ZNF577: variants seen among roughly 807,000 people sequenced by gnomAD.
The protein encoded by ZNF577 is zinc finger protein 577.
ZNF577 carries 14 observed loss-of-function variants against 13.9 expected under a neutral mutation model. The ratio of observed to expected loss-of-function variants is 1.00; its 90% CI spans 0.66 to 1.57. The LOEUF (loss-of-function observed/expected upper bound fraction) is 1.57, where lower values mean the gene tolerates loss of function less well. Among genes scored for constraint, ZNF577 ranks in the 40% most tolerant of loss-of-function variants. The pLI is 0.00. For synonymous variants in ZNF577, 203 were observed against 202.9 expected (o/e 1.00, Z 0.00); for missense variants, 555 against 579.2 (o/e 0.96, Z 0.43).
rs182664860 is a variant in ZNF577 at position 51,806,958 on chromosome 19, C to T, written c.*818-1704G>A. 5.9e-5 allele frequency among the ~76,000 whole-genome samples: 9 copies of T among 152,270 alleles called. No individual in the cohort carries two copies. In the East Asian group the frequency reaches 1.2e-3, roughly 20 times the overall value. ...ATAGGTAGCAATACCTAACATCGGGCGTAGCCAATTAATATCTCCTAATAA... is the reference window on the plus strand; with the variant it reads ...ATAGGTAGCAATACCTAACATCGGGTGTAGCCAATTAATATCTCCTAATAA... On this transcript the variant is annotated intron_variant and NMD_transcript_variant, in intron 10 of 10. Transcript: ENST00000638827.
intron 5 of ZNF577, among the ~76,000 whole-genome samples, chr19:51,858,069 A>C (rs2084456812): frequency 6.6e-6 from 1 of 152,156 alleles, no homozygotes; most frequent in Non-Finnish European, 1.5e-5. Flanking sequence ...TGCACAGGAA[A>C]GGCTCCCACC....
chr19:51,857,426 G>GAAAGAAAGAAAGAA (rs1555745840), intron 5 of ZNF577, among the ~76,000 whole-genome samples: 45 of 96,714 alleles, frequency 4.7e-4, no homozygotes, highest in South Asian at 2.0e-3. Context: ...AAGAAAGAAA[G>GAAAGAAAGAAAGAA]AAAAGAAAAA....
At chr19:51,833,387 T>C (rs1249507493) in intron 9 of ZNF577, among the ~76,000 whole-genome samples, 1 of 152,210 alleles carries the variant, frequency 6.6e-6, no homozygotes, top group Non-Finnish European at 1.5e-5. Context: ...TTGTTTAAGG[T>C]AGGAGCATAA....
In ZNF577 at chr19:51,824,135, T is replaced by A; in HGVS notation, c.*600-12461A>T. 6.2e-7 allele frequency: 1 copy of A among 1,613,968 alleles called. No homozygotes were observed. On this transcript the variant is annotated intron_variant and NMD_transcript_variant, in intron 9 of 10. Coordinates refer to the ZNF577 transcript ENST00000638827. This position sits in a 1 kb window ranked among gnomAD's most constrained non-coding sequence, Gnocchi z 4.7. ...TGGACCGCTGTATTTGTGTCCTGCA[T>A]CCAGCCTGGGCCCAGAACCATCGCA...
intron 9 of ZNF577, among the ~76,000 whole-genome samples, chr19:51,834,694 T>G (rs1599846382): frequency 6.6e-6 from 1 of 152,082 alleles, no homozygotes; most frequent in East Asian, 1.9e-4. Flanking sequence ...CACACGATTT[T>G]TTTTTTTAAG....
At chr19:51,813,823 C>T (rs139858556) in intron 9 of ZNF577, among the ~76,000 whole-genome samples, 220 of 152,186 alleles carry the variant, frequency 1.4e-3, no homozygotes, top group African/African-American at 4.9e-3. Flanking sequence ...CATAAGCCAC[C>T]GCAGCTGGCC....
chr19:51,820,277 T>C (rs1244059782), intron 9 of ZNF577, among the ~76,000 whole-genome samples: 1 of 152,230 alleles, frequency 6.6e-6, no homozygotes, highest in Non-Finnish European at 1.5e-5. Flanking sequence ...ATACATCCAG[T>C]TGTACCTCTC....
chr19:51,821,863 A>G (rs567924609), intron 9 of ZNF577, among the ~76,000 whole-genome samples: 1 of 152,178 alleles, frequency 6.6e-6, no homozygotes, highest in East Asian at 1.9e-4. Context: ...CAATGTTATT[A>G]TGAGTATTAT....
At chr19:51,821,490 A>G (rs7252487) in intron 9 of ZNF577, among the ~76,000 whole-genome samples, 63,955 of 151,956 alleles carry the variant, frequency 0.42, 13,500 homozygotes, top group South Asian at 0.53. Flanking sequence ...AAAGAATTAC[A>G]CAGCCCCAAT....
chr19:51,818,550 G>A (rs2084162119), intron 9 of ZNF577, among the ~76,000 whole-genome samples: 1 of 152,194 alleles, frequency 6.6e-6, no homozygotes, highest in African/African-American at 2.4e-5. Flanking sequence ...TGGACCTGGG[G>A]CAGCTGTTTT....
At chr19:51,875,720 T>C (rs2084749408) in intron 5 of ZNF577, among the ~76,000 whole-genome samples, 1 of 152,216 alleles carries the variant, frequency 6.6e-6, no homozygotes, top group Admixed American at 6.5e-5. Flanking sequence ...TCCTCATGTC[T>C]TCTCATCAAG....
intron 9 of ZNF577, among the ~76,000 whole-genome samples, chr19:51,812,767 C>A (rs964317224): frequency 5.3e-5 from 8 of 152,242 alleles, no homozygotes; most frequent in South Asian, 4.1e-4. Context: ...TCATTTAATT[C>A]GTCTCTTAGT....
At chr19:51,813,906 T>C (rs1269489459) in intron 9 of ZNF577, among the ~76,000 whole-genome samples, 5 of 152,166 alleles carry the variant, frequency 3.3e-5, no homozygotes, top group African/African-American at 1.2e-4. Flanking sequence ...TTCATCCTTC[T>C]GGCTCTGGAG....
intron 4 of ZNF577, chr19:51,877,748 C>T (rs1026306174): frequency 1.7e-5 from 3 of 177,378 alleles, no homozygotes; most frequent in African/African-American, 2.4e-5. Flanking sequence ...CCAGCAATTC[C>T]ACTTCTGGGT....
chr19:51,876,520 A>G (rs2084766329), intron 5 of ZNF577, among the ~76,000 whole-genome samples: 1 of 151,466 alleles, frequency 6.6e-6, no homozygotes, highest in Admixed American at 6.6e-5. Flanking sequence ...AGATGCCCCA[A>G]GAGACATGGT....
chr19:51,812,187 T>C (rs1187551931), intron 9 of ZNF577, among the ~76,000 whole-genome samples: 3 of 152,200 alleles, frequency 2.0e-5, no homozygotes, highest in Non-Finnish European at 2.9e-5. Context: ...ATTGGCTTGA[T>C]AAAATGGGAT....
chr19:51,880,325 C>T lies in ZNF577; in HGVS notation c.58G>A (p.Glu20Lys). The change falls in exon 3 of 6, where the codon GAG becomes AAG. Residue 20 changes from glutamate to lysine, a missense_variant and splice_region_variant. Glu to Lys is a moderately conservative substitution (Grantham distance 56). Coordinates refer to ENST00000638348, the MANE Select transcript of ZNF577 (RefSeq NM_001370449.1). Reference sequence around the variant, plus strand: ...TCTCACAGCAATGACAAATTTACCTCCCCTGAAGAACTGCCTTGCTCTCTC... The same window carrying T: ...TCTCACAGCAATGACAAATTTACCTTCCCTGAAGAACTGCCTTGCTCTCTC... The part of the protein sequence containing the change: ...VRREQGSSSG[E>K]GSLSFEDVAV... 1.2e-6 allele frequency: 2 copies of T among 1,614,068 alleles called. No homozygotes were observed. The highest frequency in any genetic ancestry group is 1.7e-6 in the Non-Finnish European group (2 of 1,179,994).
At chr19:51,804,773 G>C (rs573171317), downstream of ZNF577, 4 of 152,314 alleles carry the variant, frequency 2.6e-5, no homozygotes, top group South Asian at 2.1e-4. Flanking sequence ...TGAACAAAGG[G>C]GGGTGAATGC....
intron 1 of ZNF577, among the ~76,000 whole-genome samples, chr19:51,884,848 G>A (rs543663894): frequency 1.1e-4 from 17 of 152,244 alleles, no homozygotes; most frequent in East Asian, 3.9e-4. Context: ...ATTTAGAAGC[G>A]TATGGCATAA....
Sources: allele counts gnomAD v4.1 joint callset (sites outside exome capture counted in the v4.1 genomes callset), GRCh38; gene constraint gnomAD v4.1.1; non-coding constraint Gnocchi (gnomAD v3.1); transcripts MANE v1.5; gene names NCBI Gene and HGNC (gene_info 2026-07-23, HGNC 2026-07-21).